The following AFF3 variants were observed in gnomAD, a reference collection of about 807,000 sequenced individuals.
AFF3 encodes ALF transcription elongation factor 3.
Under a neutral mutation model 129.7 loss-of-function variants are expected in AFF3, and 32 were observed. The observed-to-expected ratio is 0.25, with a 90% CI of 0.19 to 0.33. AFF3 has a LOEUF of 0.33. AFF3 is among the 10% of genes least tolerant of loss of function. AFF3 has a pLI of 1.00. For missense variants in AFF3, 1,373 were observed against 1,592.0 expected, an observed-to-expected ratio of 0.86 and a Z score of 2.34; for synonymous variants, 644 against 635.4, an observed-to-expected ratio of 1.01 and a Z score of -0.20.
intron 2 of AFF3, among the ~76,000 whole-genome samples, chr2:100,111,485 A>G (rs943104355): frequency 3.9e-5 from 6 of 152,212 alleles, no homozygotes; most frequent in South Asian, 2.1e-4. Context: ...TGAATATTCC[A>G]TATTATTTGT....
chr2:100,005,601 G>C (rs1276183569), intron 7 of AFF3, among the ~76,000 whole-genome samples: 1 of 152,110 alleles, frequency 6.6e-6, no homozygotes, highest in Non-Finnish European at 1.5e-5. Flanking sequence ...ACATTTTCTA[G>C]AATCTATCAT....
intron 8 of AFF3, among the ~76,000 whole-genome samples, chr2:99,765,359 C>G (rs965791729): frequency 9.2e-5 from 14 of 152,320 alleles, no homozygotes; most frequent in African/African-American, 3.4e-4. Context: ...TCCTGAACCC[C>G]TTTCCACAGA....
intron 7 of AFF3, among the ~76,000 whole-genome samples, chr2:99,918,197 G>GTA (rs1695610520): frequency 1.3e-5 from 2 of 152,208 alleles, no homozygotes; most frequent in African/African-American, 4.8e-5. Context: ...TTGTATTGAT[G>GTA]TATATCTTCT....
At chr2:99,576,434 T>C (rs2104759565) in intron 18 of AFF3, among the ~76,000 whole-genome samples, 1 of 147,022 alleles carries the variant, frequency 6.8e-6, no homozygotes, top group East Asian at 2.0e-4. Flanking sequence ...GAAGATAGCG[T>C]AAGCCCAGGA....
intron 2 of AFF3, among the ~76,000 whole-genome samples, chr2:100,121,801 G>A (rs948632603): frequency 6.6e-6 from 1 of 152,176 alleles, no homozygotes; most frequent in Non-Finnish European, 1.5e-5. Context: ...GGTGGCTCAC[G>A]CCTGTAATCC....
intron 8 of AFF3, among the ~76,000 whole-genome samples, chr2:99,777,510 T>C (rs1683996199): frequency 6.6e-6 from 1 of 152,146 alleles, no homozygotes; most frequent in Non-Finnish European, 1.5e-5. Context: ...GAGTGGTCTT[T>C]GGGCTTTTCT....
At position 99,935,049 on chromosome 2, in the gene AFF3, GT is replaced by G. The variant is rs567548776; in HGVS notation, c.873+71582del. 1.9e-3 allele frequency among the ~76,000 whole-genome samples: 288 copies of G among 152,340 alleles called. 1 individual carries two copies. Among genetic ancestry groups the G allele is most frequent in the South Asian group, 3.3e-3 (16 of 4,826 alleles). On this transcript the variant is annotated intron_variant, in intron 7 of 24. Coordinates refer to ENST00000672756, the MANE Select transcript of AFF3 (RefSeq NM_001386135.1). Reference sequence around the variant, plus strand: ...TGAATTCAGGAGAGAAAGAAAAGATGTGTGTTTATGAGCCTCTTAAAATCCC... The same window carrying G: ...TGAATTCAGGAGAGAAAGAAAAGATGGTGTTTATGAGCCTCTTAAAATCCC...
intron 21 of AFF3, among the ~76,000 whole-genome samples, chr2:99,559,802 G>A (rs962310920): frequency 1.3e-5 from 2 of 152,190 alleles, no homozygotes; most frequent in Non-Finnish European, 2.9e-5. Context: ...GTCTGTTGCT[G>A]TTATTATTAT....
At chr2:100,030,121 T>TTA (rs1043033599) in intron 4 of AFF3, among the ~76,000 whole-genome samples, 1 of 151,758 alleles carries the variant, frequency 6.6e-6, no homozygotes, top group Non-Finnish European at 1.5e-5. Context: ...AAACTTCTTG[T>TTA]TATATATATT....
chr2:99,672,936 A>AGATAAATATTT (rs1687296231), intron 11 of AFF3, among the ~76,000 whole-genome samples: 1 of 152,228 alleles, frequency 6.6e-6, no homozygotes, highest in African/African-American at 2.4e-5. Flanking sequence ...CAGGAAGAAA[A>AGATAAATATTT]GATAAATATT....
At chr2:99,622,546 T>C (rs1472915822) in intron 13 of AFF3, among the ~76,000 whole-genome samples, 1 of 152,226 alleles carries the variant, frequency 6.6e-6, no homozygotes, top group Non-Finnish European at 1.5e-5. Flanking sequence ...TTCCTGAGTA[T>C]GGTGCCAATA....
intron 13 of AFF3, among the ~76,000 whole-genome samples, chr2:99,643,643 T>G (rs1274149098): frequency 2.0e-5 from 3 of 152,168 alleles, no homozygotes; most frequent in Non-Finnish European, 4.4e-5. Context: ...TCCAACACAC[T>G]TCCTTTGTTT....
intron 7 of AFF3, among the ~76,000 whole-genome samples, chr2:99,866,903 G>A (rs914138865): frequency 2.7e-5 from 4 of 150,556 alleles, no homozygotes; most frequent in Non-Finnish European, 4.4e-5. Flanking sequence ...TTGAACTGGG[G>A]AGGTGGAGGT....
intron 12 of AFF3, among the ~76,000 whole-genome samples, chr2:99,655,254 ACACACACACAC>A (rs1322135628): frequency 1.3e-5 from 2 of 151,000 alleles, no homozygotes; most frequent in Non-Finnish European, 3.0e-5. Context: ...ACACACACAC[ACACACACACAC>A]AGCAGTCTAC....
At chr2:99,866,916 C>G (rs1691443109) in intron 7 of AFF3, among the ~76,000 whole-genome samples, 1 of 149,260 alleles carries the variant, frequency 6.7e-6, no homozygotes, top group South Asian at 2.1e-4. Flanking sequence ...GTGGAGGTTG[C>G]AGTGAGCTGA....
chr2:99,762,823 G>A (rs948000370), intron 8 of AFF3, among the ~76,000 whole-genome samples: 3 of 152,240 alleles, frequency 2.0e-5, no homozygotes, highest in Non-Finnish European at 4.4e-5. Flanking sequence ...AAAAATGCAA[G>A]ATGCTCACGT....
At chr2:100,104,022 G>A (rs1236362903) in intron 4 of AFF3, among the ~76,000 whole-genome samples, 1 of 151,670 alleles carries the variant, frequency 6.6e-6, no homozygotes, top group Non-Finnish European at 1.5e-5. Flanking sequence ...GAGGAGGGAG[G>A]GGGCGCAGTC....
chr2:99,821,469 T>TAA (rs869250409), intron 8 of AFF3, among the ~76,000 whole-genome samples: 45 of 103,778 alleles, frequency 4.3e-4, no homozygotes, highest in African/African-American at 1.2e-3. Context: ...GCTGATGAGC[T>TAA]AAAAAAAAGA....
intron 7 of AFF3, among the ~76,000 whole-genome samples, chr2:99,843,063 C>A (rs1363914734): frequency 2.0e-5 from 3 of 152,200 alleles, no homozygotes; most frequent in African/African-American, 7.2e-5. Flanking sequence ...AACACTCCTG[C>A]AGAAATATTT....
Sources: allele counts gnomAD v4.1 joint callset (sites outside exome capture counted in the v4.1 genomes callset), GRCh38; gene constraint gnomAD v4.1.1; transcripts MANE v1.5; gene names NCBI Gene and HGNC (gene_info 2026-07-23, HGNC 2026-07-21).